Variants in UNC13C observed in about 807,000 individuals in gnomAD.
UNC13C encodes the protein protein unc-13 homolog C.
Under a neutral mutation model 245.4 loss-of-function variants are expected in UNC13C, and 174 were observed. The observed-to-expected ratio is 0.71, with a 90% confidence interval of 0.63 to 0.80. The LOEUF is 0.80. Among genes scored for constraint, UNC13C ranks in the 30% least tolerant of loss-of-function variants. The probability of loss-of-function intolerance (pLI) is 0.00; values close to 1 mark genes in which losing one functional copy is unlikely to be tolerated. For missense variants in UNC13C, 2,829 were observed against 2,602.9 expected, an observed-to-expected ratio of 1.09 and a Z score of -1.89; for synonymous variants, 992 against 895.1, an observed-to-expected ratio of 1.11 and a Z score of -1.93.
At chr15:54,591,410 A>G (rs2681958) in intron 30 of UNC13C, among the ~76,000 whole-genome samples, 118,448 of 152,010 alleles carry the variant, frequency 0.78, 46,982 homozygotes, top group African/African-American at 0.95. Context: ...CTGTGAATCC[A>G]TCTGGTCCTG....
At chr15:54,502,332 T>C (rs1219123929) in intron 22 of UNC13C, among the ~76,000 whole-genome samples, 1 of 152,164 alleles carries the variant, frequency 6.6e-6, no homozygotes, top group Admixed American at 6.6e-5. Context: ...GCCCAGAATA[T>C]AGATAAAGAA....
At chr15:54,209,237 G>A (rs1376999733) in intron 4 of UNC13C, among the ~76,000 whole-genome samples, 2 of 152,064 alleles carry the variant, frequency 1.3e-5, no homozygotes, top group Non-Finnish European at 2.9e-5. Flanking sequence ...AGGGAAAAGG[G>A]CTCTTGTATT....
At chr15:54,109,485 G>T (rs1900655199) in intron 2 of UNC13C, among the ~76,000 whole-genome samples, 1 of 150,778 alleles carries the variant, frequency 6.6e-6, no homozygotes, top group South Asian at 2.1e-4. Context: ...GAGATTACAG[G>T]CATGCACCAC....
rs78830151 is a variant in UNC13C, at chr15:54,226,478, T to C, written c.3072-8552T>C. Among the ~76,000 whole-genome samples the C allele has an allele frequency of 4.8e-3, 738 of 152,278 alleles. 1 individual carries two copies. The highest frequency in any genetic ancestry group is 0.017 in the African/African-American group (712 of 41,560). On this transcript the variant is annotated intron_variant, in intron 4 of 32. Transcript: ENST00000260323. ...TGTCACAGGGTCCTTGGAGTGTCAA[T>C]TTGCTAGCTGGAAACCTCTGTTGCC...
At chr15:54,433,596 A>C (rs1258444572) in intron 19 of UNC13C, among the ~76,000 whole-genome samples, 1 of 152,030 alleles carries the variant, frequency 6.6e-6, no homozygotes, top group Non-Finnish European at 1.5e-5. Flanking sequence ...AAATAATAAG[A>C]GCTATTTATG....
At chr15:54,476,036 A>T (rs1380399490) in intron 19 of UNC13C, among the ~76,000 whole-genome samples, 1 of 114,002 alleles carries the variant, frequency 8.8e-6, no homozygotes. Context: ...TGTGGTTTTG[A>T]TTTGCATTTC....
At chr15:54,045,749 G>C (rs567751807) in intron 2 of UNC13C, among the ~76,000 whole-genome samples, 2 of 152,110 alleles carry the variant, frequency 1.3e-5, no homozygotes, top group Non-Finnish European at 2.9e-5. Context: ...GAAATACTTC[G>C]AGATTCTGAG....
chr15:54,052,373 C>T (rs533078841), intron 2 of UNC13C, among the ~76,000 whole-genome samples: 13 of 147,412 alleles, frequency 8.8e-5, no homozygotes, highest in African/African-American at 3.0e-4. Context: ...TTTACAGTCC[C>T]ACCAACAGTG....
At chr15:54,203,429 G>A (rs2034585264) in intron 4 of UNC13C, among the ~76,000 whole-genome samples, 1 of 149,394 alleles carries the variant, frequency 6.7e-6, no homozygotes, top group Non-Finnish European at 1.5e-5. Flanking sequence ...CAGTCCAAAT[G>A]CCCAACAATC....
intron 30 of UNC13C, among the ~76,000 whole-genome samples, chr15:54,605,788 G>A (rs998161986): frequency 6.6e-6 from 1 of 152,156 alleles, no homozygotes; most frequent in Non-Finnish European, 1.5e-5. Flanking sequence ...TTGCTCGATC[G>A]CTTAAATGCT....
At chr15:53,869,728 G>A in the UNC13C span, among the ~76,000 whole-genome samples, 2 of 150,968 alleles carry the variant, frequency 1.3e-5, no homozygotes, top group East Asian at 1.9e-4. Context: ...AGCAGCGGCA[G>A]CCCCCTCAGC....
intron 19 of UNC13C, among the ~76,000 whole-genome samples, chr15:54,416,387 G>A (rs1365779437): frequency 2.0e-5 from 3 of 152,228 alleles, no homozygotes; most frequent in Admixed American, 6.5e-5. Context: ...ATAATATCTA[G>A]TTTTGTGATA....
intron 30 of UNC13C, among the ~76,000 whole-genome samples, chr15:54,588,889 G>A (rs1307422681): frequency 2.0e-5 from 3 of 152,144 alleles, no homozygotes; most frequent in African/African-American, 7.2e-5. Context: ...GTTGATTGAT[G>A]GGCATTTGGG....
At chr15:53,894,471 T>C in the UNC13C span, among the ~76,000 whole-genome samples, 189 of 152,324 alleles carry the variant, frequency 1.2e-3, no homozygotes, top group Non-Finnish European at 2.5e-3. Context: ...AAGTATCAAT[T>C]TTCCAGCTTT....
intron 2 of UNC13C, among the ~76,000 whole-genome samples, chr15:54,091,887 T>C (rs1344081263): frequency 6.6e-6 from 1 of 152,250 alleles, no homozygotes; most frequent in Non-Finnish European, 1.5e-5. Flanking sequence ...CTTAGTGTTC[T>C]CATTGTTGGC....
intron 4 of UNC13C, among the ~76,000 whole-genome samples, chr15:54,221,878 A>G (rs2035237657): frequency 6.6e-6 from 1 of 152,092 alleles, no homozygotes; most frequent in African/African-American, 2.4e-5. Flanking sequence ...GGAATGGCAA[A>G]CTGTTGTCCC....
At chr15:54,130,945 T>C (rs35372158) in intron 2 of UNC13C, among the ~76,000 whole-genome samples, 48,521 of 152,084 alleles carry the variant, frequency 0.32, 7,870 homozygotes, top group Admixed American at 0.37. Flanking sequence ...ATCTTGGTTT[T>C]CAACTGTTAG....
chr15:54,282,977 A>G (rs1343777863), intron 10 of UNC13C, among the ~76,000 whole-genome samples: 2 of 152,144 alleles, frequency 1.3e-5, no homozygotes, highest in Non-Finnish European at 2.9e-5. Flanking sequence ...TATGCAAAAA[A>G]GGTTAAAGTG....
intron 1 of UNC13C, among the ~76,000 whole-genome samples, chr15:53,993,898 C>T (rs1388808929): frequency 6.6e-6 from 1 of 151,900 alleles, no homozygotes; most frequent in Non-Finnish European, 1.5e-5. Context: ...GGGCCCTATT[C>T]TTAATGTAGT....
Sources: allele counts gnomAD v4.1 joint callset (sites outside exome capture counted in the v4.1 genomes callset), GRCh38; gene constraint gnomAD v4.1.1; transcripts MANE v1.5; gene names NCBI Gene and HGNC (gene_info 2026-07-23, HGNC 2026-07-21).